Variants in ADAM12 observed in about 807,000 individuals in gnomAD.
The protein encoded by ADAM12 is ADAM metallopeptidase domain 12.
In ADAM12, 70 loss-of-function variants were observed where a neutral mutation model predicts 106.4. That is an observed-to-expected ratio of 0.66 (90% CI 0.54 to 0.80). The LOEUF is 0.80. Among genes scored for constraint, ADAM12 ranks in the 30% least tolerant of loss-of-function variants. The pLI is 0.00. For missense variants in ADAM12, 1,010 were observed against 1,171.9 expected, an observed-to-expected ratio of 0.86 and a Z score of 2.02; for synonymous variants, 420 against 433.5, an observed-to-expected ratio of 0.97 and a Z score of 0.39.
intron 3 of ADAM12, among the ~76,000 whole-genome samples, chr10:126,157,446 A>C (rs551198021): frequency 1.3e-5 from 2 of 152,356 alleles, no homozygotes; most frequent in South Asian, 4.1e-4. Flanking sequence ...TTCCTTACAC[A>C]GTCAGAGTTC....
chr10:126,145,746 T>C (rs777859167), intron 4 of ADAM12, among the ~76,000 whole-genome samples: 1 of 152,206 alleles, frequency 6.6e-6, no homozygotes, highest in Non-Finnish European at 1.5e-5. Context: ...ATATGAAAAG[T>C]TCTGTGCACA....
chr10:126,127,616 C>CA (rs1956227278), intron 5 of ADAM12, among the ~76,000 whole-genome samples: 1 of 152,190 alleles, frequency 6.6e-6, no homozygotes, highest in Non-Finnish European at 1.5e-5. Context: ...GTTGCAGGCA[C>CA]CTCGTAGAAT....
intron 3 of ADAM12, among the ~76,000 whole-genome samples, chr10:126,195,652 T>C (rs1475472366): frequency 6.6e-6 from 1 of 152,176 alleles, no homozygotes; most frequent in Non-Finnish European, 1.5e-5. Context: ...AATATATACA[T>C]ATTTCAAAAC....
At chr10:126,150,407 A>T (rs1431679798) in intron 4 of ADAM12, among the ~76,000 whole-genome samples, 3 of 152,174 alleles carry the variant, frequency 2.0e-5, no homozygotes, top group Non-Finnish European at 2.9e-5. Context: ...TGCCTACAGA[A>T]GACCTTTACT....
chr10:126,067,184 A>G lies in ADAM12; in HGVS notation c.1324-378T>C, dbSNP rs776022880. Among the ~76,000 whole-genome samples, 87 of 152,340 alleles carry G rather than the reference A, an allele frequency of 5.7e-4. 2 individuals are homozygous for G. Among genetic ancestry groups the G allele is most frequent in the Admixed American group, 2.6e-4 (4 of 15,302 alleles). On this transcript the variant is annotated intron_variant, in intron 12 of 22. Transcript: ENST00000448723. ...CCCTGGAGGACTTTGAAATTACCCA[A>G]TCAAAAATATACATAGATGCATACA...
At position 126,038,347 on chromosome 10, in the gene ADAM12, C is replaced by T; in HGVS notation, c.2243G>A (p.Cys748Tyr). Residue 748 changes from cysteine (C) to tyrosine (Y), a missense_variant and splice_region_variant, in exon 20 of 23, where the codon TGT (cysteine) becomes TAT (tyrosine). Coordinates refer to ENST00000448723, the MANE Select transcript of ADAM12 (RefSeq NM_001288973.2). ...ACGGGGTGGCCGGGAAGGGCGCACA[C>T]ACCTGCAACAGAATCCCATACCTGC... Reference protein sequence around the residue: ...NKKTTIEKLRCVRPSRPPRGF... With the variant: ...NKKTTIEKLRYVRPSRPPRGF... The T allele has an allele frequency of 1.3e-6, 2 of 1,581,638 alleles. No homozygotes were observed. Among genetic ancestry groups the T allele is most frequent in the Non-Finnish European group, 8.6e-7 (1 of 1,162,700 alleles).
At position 126,190,989 on chromosome 10, in the gene ADAM12, C is replaced by CTTTTTTTTTTTT. The variant is rs1957488604; in HGVS notation, c.261-35685_261-35684insAAAAAAAAAAAA. Among the ~76,000 whole-genome samples the CTTTTTTTTTTTT allele has an allele frequency of 1.5e-4, 10 of 68,728 alleles. 5 individuals are homozygous for CTTTTTTTTTTTT. In the South Asian group the frequency reaches 2.2e-3, roughly 15 times the overall value. 45.1% of individuals were successfully genotyped at this position (68,728 alleles called of 152,430 possible). A position where few individuals can be genotyped will look rare whatever the true frequency, so the allele number is the denominator to read the frequency against. On this transcript the variant is annotated intron_variant, in intron 3 of 22. Transcript: ENST00000448723. ...TTTGAGTTGCCATGAGGAGTTTTGT[C>CTTTTTTTTTTTT]CTTTTTTTTTTTTTTTTTTTTTTTT...
chr10:126,263,696 AATATG>A lies in ADAM12; in HGVS notation c.260+15214_260+15218del, dbSNP rs1325509807. ...TTCAGTAACCTTGAATCTTTTCTAT[AATATG>A]ATAGGGTAAAAACCAATTAACTGAT... is the stretch of plus-strand genomic sequence containing the variant. On this transcript the variant is annotated intron_variant, in intron 3 of 22. Transcript: ENST00000448723. Among the ~76,000 whole-genome samples, 4 of 152,352 alleles carry A rather than the reference AATATG, an allele frequency of 2.6e-5. No individual in the cohort carries two copies. The East Asian group carries it at 7.7e-4, about 29-fold the overall frequency.
chr10:126,265,543 C>A (rs1287248555), intron 3 of ADAM12, among the ~76,000 whole-genome samples: 1 of 152,114 alleles, frequency 6.6e-6, no homozygotes, highest in African/African-American at 2.4e-5. Context: ...ATTGACATGG[C>A]ACAAGAGAAG....
At chr10:126,245,615 C>A (rs1958613921) in intron 3 of ADAM12, among the ~76,000 whole-genome samples, 1 of 152,116 alleles carries the variant, frequency 6.6e-6, no homozygotes, top group African/African-American at 2.4e-5. Flanking sequence ...AAGGACCAGG[C>A]ACCCTGGCAT....
chr10:126,178,073 T>A (rs1055032079), intron 3 of ADAM12, among the ~76,000 whole-genome samples: 1 of 152,220 alleles, frequency 6.6e-6, no homozygotes, highest in East Asian at 1.9e-4. Context: ...ATTTATGTGA[T>A]TGTTGATGTG....
At chr10:126,088,315 C>T (rs1202366401) in intron 11 of ADAM12, among the ~76,000 whole-genome samples, 1 of 152,050 alleles carries the variant, frequency 6.6e-6, no homozygotes, top group African/African-American at 2.4e-5. Flanking sequence ...CTTTGCTCTG[C>T]CTGGTGGCCA....
chr10:126,345,958 T>C (rs555388775), intron 1 of ADAM12, among the ~76,000 whole-genome samples: 1 of 152,334 alleles, frequency 6.6e-6, no homozygotes, highest in Admixed American at 6.5e-5. Context: ...TGTTGATCCT[T>C]TCAAAAAGCC....
intron 11 of ADAM12, among the ~76,000 whole-genome samples, chr10:126,087,526 C>T (rs996571738): frequency 7.2e-5 from 11 of 152,044 alleles, no homozygotes; most frequent in African/African-American, 2.4e-4. Flanking sequence ...TTTCACCTAA[C>T]ACTTTGAGGA....
chr10:126,206,867 G>GGA lies in ADAM12; in HGVS notation c.261-51563_261-51562insTC, dbSNP rs1554986912. Among the ~76,000 whole-genome samples the GGA allele has an allele frequency of 1.5e-5, 2 of 134,718 alleles. 1 individual carries two copies. The highest frequency in any genetic ancestry group is 3.3e-5 in the Non-Finnish European group (2 of 60,272). 88.4% of individuals were successfully genotyped at this position (134,718 alleles called of 152,430 possible). A position where few individuals can be genotyped will look rare whatever the true frequency, so the allele number is the denominator to read the frequency against. On this transcript the variant is annotated intron_variant, in intron 3 of 22. Transcript: ENST00000448723. ...TCCCATGTGTTGTGGGGGCGGGGGG[G>GGA]AGCCAGTGGGAGGTAATTGAATCAT...
chr10:126,209,308 T>C (rs1161317973), intron 3 of ADAM12, among the ~76,000 whole-genome samples: 3 of 152,260 alleles, frequency 2.0e-5, no homozygotes, highest in Non-Finnish European at 4.4e-5. Flanking sequence ...GACACCTCTA[T>C]AAAATTCTGT....
chr10:126,068,079 A>G (rs1367772881), intron 12 of ADAM12, among the ~76,000 whole-genome samples: 1 of 152,196 alleles, frequency 6.6e-6, no homozygotes, highest in Non-Finnish European at 1.5e-5. Flanking sequence ...AAACATCCAG[A>G]ATGCGTAATA....
At chr10:126,088,419 G>A (rs1309639889) in intron 11 of ADAM12, among the ~76,000 whole-genome samples, 1 of 152,106 alleles carries the variant, frequency 6.6e-6, no homozygotes, top group Non-Finnish European at 1.5e-5. Flanking sequence ...AGAAGGCCGA[G>A]GCTGTGCATG....
chr10:126,126,433 G>A (rs1162369784), intron 5 of ADAM12, among the ~76,000 whole-genome samples: 1 of 152,066 alleles, frequency 6.6e-6, no homozygotes, highest in Non-Finnish European at 1.5e-5. Context: ...CCAGGGAATA[G>A]TTTCCTTATT....
Sources: gnomAD v4.1 joint callset for allele counts (sites outside exome capture counted in the v4.1 genomes callset) on GRCh38, gnomAD v4.1.1 for gene constraint, MANE v1.5 for transcripts, NCBI Gene and HGNC (gene_info 2026-07-23, HGNC 2026-07-21) for gene names.